The following SUCLG2 variants were observed in gnomAD, a reference collection of about 807,000 sequenced individuals.
The protein encoded by SUCLG2 is succinate-CoA ligase GDP-forming subunit beta, also known as succinate--CoA ligase [GDP-forming] subunit beta, mitochondrial.
SUCLG2 carries 42 observed loss-of-function variants against 47.9 expected under a neutral mutation model. That is an observed-to-expected ratio of 0.88 (90% CI 0.69 to 1.14). The LOEUF (loss-of-function observed/expected upper bound fraction) is 1.14. Ranked by LOEUF, SUCLG2 falls within the 50% of genes most tolerant of loss-of-function variation. SUCLG2 has a pLI of 0.00. For synonymous variants in SUCLG2, 195 were observed against 197.3 expected (o/e 0.99, Z 0.10); for missense variants, 571 against 525.9 (o/e 1.09, Z -0.84).
At chr3:67,578,253 A>G in intron 2 of SUCLG2, among the ~76,000 whole-genome samples, 1 of 138,940 alleles carries the variant, frequency 7.2e-6, no homozygotes, top group South Asian at 2.1e-4. Context: ...TATATCATAT[A>G]TAAAAAAATT....
At chr3:67,605,303 C>CT (rs1399889053) in intron 2 of SUCLG2, among the ~76,000 whole-genome samples, 1 of 152,196 alleles carries the variant, frequency 6.6e-6, no homozygotes, top group Non-Finnish European at 1.5e-5. Context: ...TGTAAATACT[C>CT]TGAAGTTTTG....
chr3:67,635,643 G>C (rs145956740), intron 1 of SUCLG2, among the ~76,000 whole-genome samples: 59 of 152,180 alleles, frequency 3.9e-4, no homozygotes, highest in African/African-American at 1.3e-3. Flanking sequence ...TCCTTTCTGA[G>C]ACACCCTCCC....
chr3:67,422,269 T>C (rs9852902), intron 9 of SUCLG2, among the ~76,000 whole-genome samples: 13,005 of 150,950 alleles, frequency 0.086, 664 homozygotes, highest in African/African-American at 0.14. Context: ...GTCAAGAGAT[T>C]GAGACCATCC....
chr3:67,609,443 G>A lies in SUCLG2; in HGVS notation c.226+12C>T, dbSNP rs1188540937. Reference sequence around the variant, plus strand: ...TGGGCAAGTGTATTTCACCCATTATGAATCAGCTTACTTAGTCTCTTAGCA... The same window carrying A: ...TGGGCAAGTGTATTTCACCCATTATAAATCAGCTTACTTAGTCTCTTAGCA... On this transcript the variant is annotated intron_variant, in intron 2 of 10. Transcript: ENST00000307227. The A allele has an allele frequency of 6.2e-7, 1 of 1,608,250 alleles. No homozygotes were observed. Among genetic ancestry groups the A allele is most frequent in the African/African-American group, 1.3e-5 (1 of 74,812 alleles).
chr3:67,438,791 C>G (rs1388181467), intron 9 of SUCLG2, among the ~76,000 whole-genome samples: 2 of 152,150 alleles, frequency 1.3e-5, no homozygotes, highest in Non-Finnish European at 2.9e-5. Context: ...GATTCACGGC[C>G]ATATTCTACC....
At chr3:67,642,271 GTTGT>G (rs1171012470) in intron 1 of SUCLG2, among the ~76,000 whole-genome samples, 1 of 152,168 alleles carries the variant, frequency 6.6e-6, no homozygotes, top group Non-Finnish European at 1.5e-5. Flanking sequence ...CAACAAGGAA[GTTGT>G]TTAAGATCTC....
intron 4 of SUCLG2, among the ~76,000 whole-genome samples, chr3:67,527,472 T>A (rs746692153): frequency 2.6e-5 from 4 of 152,212 alleles, no homozygotes; most frequent in African/African-American, 9.6e-5. Context: ...AGTGTCTGGA[T>A]ACACAAAAGG....
At chr3:67,649,810 G>A (rs1701254499) in intron 1 of SUCLG2, among the ~76,000 whole-genome samples, 1 of 152,216 alleles carries the variant, frequency 6.6e-6, no homozygotes, top group African/African-American at 2.4e-5. Flanking sequence ...TGCAGATTGA[G>A]TGGTAAAGAC....
chr3:67,626,846 G>A (rs533110068), intron 1 of SUCLG2, among the ~76,000 whole-genome samples: 8 of 149,806 alleles, frequency 5.3e-5, no homozygotes, highest in South Asian at 2.1e-4. Flanking sequence ...CCCCGGAGGC[G>A]GAGCTTGCAG....
intron 9 of SUCLG2, among the ~76,000 whole-genome samples, chr3:67,407,017 C>T (rs907537870): frequency 6.6e-6 from 1 of 152,100 alleles, no homozygotes; most frequent in Admixed American, 6.6e-5. Flanking sequence ...CACCAGGGAT[C>T]GACAACATCT....
intron 9 of SUCLG2, among the ~76,000 whole-genome samples, chr3:67,493,501 A>G (rs1357882894): frequency 6.6e-6 from 1 of 152,184 alleles, no homozygotes; most frequent in African/African-American, 2.4e-5. Flanking sequence ...AATGGCTCTG[A>G]CAGTAATTTT....
intron 9 of SUCLG2, among the ~76,000 whole-genome samples, chr3:67,428,079 C>A (rs1429817031): frequency 1.3e-5 from 2 of 152,230 alleles, no homozygotes; most frequent in Admixed American, 1.3e-4. Flanking sequence ...CTTCTGGAGA[C>A]TTAAACATCC....
intron 8 of SUCLG2, among the ~76,000 whole-genome samples, chr3:67,496,672 TTTC>T (rs1374931804): frequency 6.6e-6 from 1 of 152,172 alleles, no homozygotes; most frequent in African/African-American, 2.4e-5. Flanking sequence ...CTTAGGAGCC[TTTC>T]TTAAGAAAGT....
chr3:67,586,391 A>G (rs541380757), intron 2 of SUCLG2, among the ~76,000 whole-genome samples: 3 of 152,312 alleles, frequency 2.0e-5, no homozygotes, highest in African/African-American at 7.2e-5. Context: ...TCTTTTTGCA[A>G]ATGATGTGTT....
chr3:67,597,311 C>G (rs1708316013), intron 2 of SUCLG2, among the ~76,000 whole-genome samples: 1 of 152,202 alleles, frequency 6.6e-6, no homozygotes, highest in Admixed American at 6.5e-5. Context: ...AGCTTACAAT[C>G]ATGACCCAAT....
chr3:67,619,399 T>C (rs1054114330), intron 1 of SUCLG2, among the ~76,000 whole-genome samples: 6 of 152,190 alleles, frequency 3.9e-5, no homozygotes, highest in Admixed American at 2.0e-4. Context: ...AATACAGGTA[T>C]GTCTGACTGA....
At chr3:67,629,584 T>G (rs1177668718) in intron 1 of SUCLG2, among the ~76,000 whole-genome samples, 1 of 152,166 alleles carries the variant, frequency 6.6e-6, no homozygotes, top group African/African-American at 2.4e-5. Flanking sequence ...GTTTCATTAC[T>G]TAGCCATGAT....
chr3:67,607,376 T>G (rs1460382850), intron 2 of SUCLG2, among the ~76,000 whole-genome samples: 3 of 152,254 alleles, frequency 2.0e-5, no homozygotes. Flanking sequence ...TGAAATGATG[T>G]TGTTTTAGAT....
chr3:67,596,343 T>C (rs918886042), intron 2 of SUCLG2, among the ~76,000 whole-genome samples: 3 of 152,200 alleles, frequency 2.0e-5, no homozygotes, highest in African/African-American at 4.8e-5. Flanking sequence ...GCCAATCATT[T>C]TGAAAGATAA....
Sources: gnomAD v4.1 joint callset for allele counts (sites outside exome capture counted in the v4.1 genomes callset) on GRCh38, gnomAD v4.1.1 for gene constraint, MANE v1.5 for transcripts, NCBI Gene and HGNC (gene_info 2026-07-23, HGNC 2026-07-21) for gene names.